The following RYR2 variants were observed in gnomAD, a reference collection of about 807,000 sequenced individuals.
RYR2 encodes cardiac muscle ryanodine receptor-calcium release channel.
In RYR2, 227 loss-of-function variants were observed where a neutral mutation model predicts 601.1. The observed-to-expected ratio is 0.38, with a 90% confidence interval of 0.34 to 0.42. RYR2 has a LOEUF of 0.42. Among genes scored for constraint, RYR2 ranks in the 10% least tolerant of loss-of-function variants. The pLI, the probability that RYR2 is intolerant of heterozygous loss-of-function variation, is 1.00. For synonymous variants in RYR2, 2,223 were observed against 2,175.1 expected (o/e 1.02, Z -0.61); for missense variants, 4,646 against 6,156.5 (o/e 0.75, Z 8.21).
At chr1:237,606,140 A>G (rs1469291591) in intron 35 of RYR2, among the ~76,000 whole-genome samples, 4 of 151,940 alleles carry the variant, frequency 2.6e-5, no homozygotes, top group African/African-American at 9.6e-5. Context: ...ACAAAGCTGG[A>G]GGCATCATGC....
chr1:237,380,137 T>A (rs898336127), intron 8 of RYR2, among the ~76,000 whole-genome samples: 3 of 151,474 alleles, frequency 2.0e-5, no homozygotes, highest in African/African-American at 7.3e-5. Flanking sequence ...ATTCCCACCA[T>A]GGTGGATAGT....
chr1:237,780,727 C>T (rs1695035426), intron 88 of RYR2, among the ~76,000 whole-genome samples: 1 of 152,110 alleles, frequency 6.6e-6, no homozygotes, highest in Non-Finnish European at 1.5e-5. Context: ...AAATAAGATA[C>T]ATTGTGTAAT....
At chr1:237,648,730 G>GAAAATATAACAGGTAC in intron 49 of RYR2, 117 bp downstream of exon 49, 1 of 1,199,234 alleles carries the variant, frequency 8.3e-7, no homozygotes. Context: ...TTGAGTACCT[G>GAAAATATAACAGGTAC]TTATATTTTC....
chr1:237,644,607 T>C (rs1288932071), intron 48 of RYR2, among the ~76,000 whole-genome samples: 1 of 152,236 alleles, frequency 6.6e-6, no homozygotes, highest in Non-Finnish European at 1.5e-5. Flanking sequence ...ACAACTAAAA[T>C]AAGTGTTAAA....
At chr1:237,551,144 C>T (rs1264023616) in intron 27 of RYR2, among the ~76,000 whole-genome samples, 1 of 152,206 alleles carries the variant, frequency 6.6e-6, no homozygotes, top group Non-Finnish European at 1.5e-5. Flanking sequence ...AAACACATTA[C>T]AATAGATACT....
At chr1:237,776,223 A>G (rs1694646335) in intron 87 of RYR2, among the ~76,000 whole-genome samples, 1 of 152,194 alleles carries the variant, frequency 6.6e-6, no homozygotes, top group African/African-American at 2.4e-5. Context: ...GGAAAATCCT[A>G]AAGATCTATT....
At chr1:237,215,713 A>G (rs1242386985) in intron 1 of RYR2, among the ~76,000 whole-genome samples, 2 of 152,232 alleles carry the variant, frequency 1.3e-5, no homozygotes, top group East Asian at 3.9e-4. Flanking sequence ...CGTTTTTGGG[A>G]TATGGTAGGT....
chr1:237,761,240 A>G (rs534170841), intron 84 of RYR2, among the ~76,000 whole-genome samples: 6 of 152,258 alleles, frequency 3.9e-5, no homozygotes, highest in African/African-American at 9.6e-5. Context: ...TGCCAGCCCC[A>G]TTGCCAGCTG....
At chr1:237,067,744 G>A (rs1351552209) in intron 1 of RYR2, among the ~76,000 whole-genome samples, 2 of 152,152 alleles carry the variant, frequency 1.3e-5, no homozygotes, top group Admixed American at 1.3e-4. Context: ...CTTCCAATGC[G>A]TGAACACTGT....
chr1:237,819,961 T>C lies in RYR2; in HGVS notation c.14590+769T>C, dbSNP rs534957992. ...CAGCACTTTGAGAGACTGAGGTGGG[T>C]GGATCACTTGAGGTCTGGAGTTCAA... On this transcript the variant is annotated intron_variant, in intron 101 of 104. Coordinates refer to ENST00000366574, the MANE Select transcript of RYR2 (RefSeq NM_001035.3). This position sits in a 1 kb window ranked among gnomAD's most constrained non-coding sequence, Gnocchi z 4.0. Among the ~76,000 whole-genome samples the C allele has an allele frequency of 6.6e-6, 1 of 151,926 alleles. No individual in the cohort carries two copies. The highest frequency in any genetic ancestry group is 1.9e-4 in the East Asian group (1 of 5,142).
At chr1:237,814,086 T>C (rs2149463184) in intron 100 of RYR2, among the ~76,000 whole-genome samples, 1 of 152,296 alleles carries the variant, frequency 6.6e-6, no homozygotes, top group Non-Finnish European at 1.5e-5. Flanking sequence ...AGATTGACAT[T>C]CCAATTGTAG....
chr1:237,516,711 A>G (rs1381976718), intron 24 of RYR2, among the ~76,000 whole-genome samples: 1 of 152,224 alleles, frequency 6.6e-6, no homozygotes, highest in Non-Finnish European at 1.5e-5. Flanking sequence ...GTCTTTCAAC[A>G]TGCCAGGCTA....
At chr1:237,116,139 T>G (rs1670055969) in intron 1 of RYR2, among the ~76,000 whole-genome samples, 1 of 152,202 alleles carries the variant, frequency 6.6e-6, no homozygotes, top group African/African-American at 2.4e-5. Context: ...TTGTGGATCC[T>G]TGTGAATCCC....
At chr1:237,264,354 T>C (rs981669691) in intron 1 of RYR2, among the ~76,000 whole-genome samples, 13 of 152,298 alleles carry the variant, frequency 8.5e-5, no homozygotes, top group African/African-American at 2.9e-4. Flanking sequence ...CTTATCTACT[T>C]TCTTTGCTAA....
chr1:237,738,622 C>T (rs1433476145), intron 79 of RYR2, among the ~76,000 whole-genome samples: 1 of 152,036 alleles, frequency 6.6e-6, no homozygotes, highest in African/African-American at 2.4e-5. Context: ...ATTTTGGGCT[C>T]TACTTATTGA....
intron 56 of RYR2, 136 bp from the exon 57 acceptor site, chr1:237,666,376 T>C: frequency 1.4e-6 from 1 of 704,808 alleles, no homozygotes; most frequent in South Asian, 1.8e-5. Flanking sequence ...TACAACATCA[T>C]TTTGTATAGA....
chr1:237,133,268 G>A (rs1672352501), intron 1 of RYR2, among the ~76,000 whole-genome samples: 1 of 151,978 alleles, frequency 6.6e-6, no homozygotes, highest in Admixed American at 6.5e-5. Flanking sequence ...CAGGTGGAGA[G>A]CGAGGTCACT....
chr1:237,796,666 T>C (rs372041067), intron 96 of RYR2, among the ~76,000 whole-genome samples: 6 of 152,260 alleles, frequency 3.9e-5, no homozygotes, highest in African/African-American at 1.4e-4. Context: ...TTCACTTCAA[T>C]CTTGTATTTT....
At chr1:237,492,095 C>T (rs960103101) in intron 18 of RYR2, among the ~76,000 whole-genome samples, 171 bp downstream of exon 18, 1 of 152,176 alleles carries the variant, frequency 6.6e-6, no homozygotes, top group Non-Finnish European at 1.5e-5. Flanking sequence ...TGCAGTGGCG[C>T]GATCTCAGCC....
Sources: allele counts gnomAD v4.1 joint callset (sites outside exome capture counted in the v4.1 genomes callset), GRCh38; gene constraint gnomAD v4.1.1; non-coding constraint Gnocchi (gnomAD v3.1); transcripts MANE v1.5; gene names NCBI Gene and HGNC (gene_info 2026-07-23, HGNC 2026-07-21).